SBF2: variants seen among roughly 807,000 people sequenced by gnomAD.
SBF2 encodes the protein SET binding factor 2, also known as myotubularin-related protein 13.
A neutral mutation model predicts 225.2 loss-of-function variants in SBF2; 112 were observed. The observed-to-expected ratio is 0.50, with a 90% CI of 0.43 to 0.58. SBF2 has a LOEUF of 0.58. SBF2 is among the 20% of genes least tolerant of loss of function. The pLI is 0.00. For synonymous variants in SBF2, 763 were observed against 773.3 expected (o/e 0.99, Z 0.22); for missense variants, 1,996 against 2,206.2 (o/e 0.90, Z 1.91).
At chr11:9,851,084 C>T (rs1172427760) in intron 21 of SBF2, among the ~76,000 whole-genome samples, 10 of 140,964 alleles carry the variant, frequency 7.1e-5, no homozygotes, top group South Asian at 2.3e-4. Context: ...TGCAGTGAGC[C>T]GAGATTGTGC....
chr11:9,967,935 GTCTGTCTGTCTGTCTCTCTCTC>G (rs1222125396), intron 14 of SBF2, among the ~76,000 whole-genome samples: 42 of 114,562 alleles, frequency 3.7e-4, no homozygotes, highest in Non-Finnish European at 6.6e-4. Flanking sequence ...CTGTCTGTCT[GTCTGTCTGTCTGTCTCTCTCTC>G]TCTCTCTCTC....
upstream of SBF2, among the ~76,000 whole-genome samples, chr11:10,296,182 C>A (rs1270068923): frequency 6.6e-6 from 1 of 151,938 alleles, no homozygotes; most frequent in African/African-American, 2.4e-5. Flanking sequence ...GTATATTGTT[C>A]TCAGCTTGTT....
intron 1 of SBF2, among the ~76,000 whole-genome samples, chr11:10,243,026 C>T (rs1959382191): frequency 1.3e-5 from 2 of 152,132 alleles, no homozygotes. Flanking sequence ...AGTAGCAGAA[C>T]ACACAGTGTC....
intron 16 of SBF2, among the ~76,000 whole-genome samples, chr11:9,923,708 CT>C (rs1227563480): frequency 1.3e-5 from 2 of 152,154 alleles, no homozygotes; most frequent in South Asian, 4.1e-4. Flanking sequence ...TAGCAGTAAA[CT>C]TTGGAATGTA....
intron 2 of SBF2, among the ~76,000 whole-genome samples, chr11:10,093,701 T>C (rs1004874367): frequency 6.6e-6 from 1 of 152,224 alleles, no homozygotes; most frequent in Non-Finnish European, 1.5e-5. Flanking sequence ...GTTTCAAAAA[T>C]AATAACTTTT....
intron 17 of SBF2, among the ~76,000 whole-genome samples, chr11:9,861,084 T>A (rs1393225906): frequency 6.6e-6 from 1 of 152,224 alleles, no homozygotes; most frequent in Non-Finnish European, 1.5e-5. Flanking sequence ...AATATCTGCA[T>A]CATATTTACT....
intron 2 of SBF2, among the ~76,000 whole-genome samples, chr11:10,178,611 C>T (rs1458869704): frequency 1.4e-5 from 2 of 147,032 alleles, no homozygotes; most frequent in African/African-American, 5.0e-5. Context: ...CATCACTGGC[C>T]ATCAGAGAAA....
At chr11:10,035,444 C>A (rs1291645331) in intron 3 of SBF2, among the ~76,000 whole-genome samples, 2 of 152,126 alleles carry the variant, frequency 1.3e-5, no homozygotes, top group African/African-American at 4.8e-5. Context: ...AGCTTCTGCA[C>A]AGCAAAAGAA....
At chr11:10,068,223 GCTTC>G (rs1018562067) in intron 2 of SBF2, among the ~76,000 whole-genome samples, 1 of 152,150 alleles carries the variant, frequency 6.6e-6, no homozygotes, top group African/African-American at 2.4e-5. Flanking sequence ...AGTATTAAGT[GCTTC>G]CTTAAGTGAT....
chr11:10,196,866 A>ATATATATATATATATATATATATTT, intron 1 of SBF2, among the ~76,000 whole-genome samples: 5 of 99,292 alleles, frequency 5.0e-5, no homozygotes, highest in Non-Finnish European at 7.9e-5. Flanking sequence ...ATATATATAT[A>ATATATATATATATATATATATATTT]TTTTTTTTTT....
At chr11:10,101,404 C>T (rs996917185) in intron 2 of SBF2, among the ~76,000 whole-genome samples, 1 of 152,086 alleles carries the variant, frequency 6.6e-6, no homozygotes, top group South Asian at 2.1e-4. Context: ...AACTCAGTTC[C>T]CCACACAGTC....
At chr11:10,086,508 G>A (rs543623800) in intron 2 of SBF2, among the ~76,000 whole-genome samples, 2 of 152,242 alleles carry the variant, frequency 1.3e-5, no homozygotes, top group East Asian at 3.9e-4. Context: ...TCTGAATTCT[G>A]TAAGTTCTCC....
chr11:9,799,569 A>G (rs913521607), intron 32 of SBF2, among the ~76,000 whole-genome samples: 1 of 152,252 alleles, frequency 6.6e-6, no homozygotes, highest in Non-Finnish European at 1.5e-5. Flanking sequence ...TTTGGTGGAA[A>G]AAGAAAAGTC....
chr11:10,254,814 C>A (rs1278070155), intron 1 of SBF2, among the ~76,000 whole-genome samples: 1 of 136,418 alleles, frequency 7.3e-6, no homozygotes. Flanking sequence ...TGAGGCAGAA[C>A]AGCTTGAACC....
intron 2 of SBF2, among the ~76,000 whole-genome samples, chr11:10,163,962 G>C (rs538075462): frequency 9.4e-4 from 143 of 152,286 alleles, no homozygotes; most frequent in African/African-American, 3.0e-3. Flanking sequence ...AGTTCATTTA[G>C]AGAGTCAAGC....
At chr11:10,259,942 T>G (rs2135509741) in intron 1 of SBF2, among the ~76,000 whole-genome samples, 1 of 152,292 alleles carries the variant, frequency 6.6e-6, no homozygotes, top group African/African-American at 2.4e-5. Context: ...TCACTACCAT[T>G]TATTAGCTGA....
At chr11:9,786,958 C>T (rs1693350617) in intron 36 of SBF2, among the ~76,000 whole-genome samples, 1 of 152,218 alleles carries the variant, frequency 6.6e-6, no homozygotes, top group African/African-American at 2.4e-5. Context: ...GTGGCACGAT[C>T]TCGGCTCACT....
intron 2 of SBF2, among the ~76,000 whole-genome samples, chr11:10,056,772 C>A (rs1163707625): frequency 6.6e-6 from 1 of 152,134 alleles, no homozygotes; most frequent in African/African-American, 2.4e-5. Context: ...CTGAATTTCC[C>A]CTGGGATGGT....
chr11:10,020,140 G>T (rs1426714905), intron 6 of SBF2, among the ~76,000 whole-genome samples: 1 of 152,092 alleles, frequency 6.6e-6, no homozygotes, highest in Admixed American at 6.5e-5. Context: ...CCAGGGAAGG[G>T]CAGTTTCCCA....
Sources: gnomAD v4.1 joint callset for allele counts (sites outside exome capture counted in the v4.1 genomes callset) on GRCh38, gnomAD v4.1.1 for gene constraint, MANE v1.5 for transcripts, NCBI Gene and HGNC (gene_info 2026-07-23, HGNC 2026-07-21) for gene names.